HDAC4: variants seen among roughly 807,000 people sequenced by gnomAD.
HDAC4 encodes histone deacetylase A.
HDAC4 carries 16 observed loss-of-function variants against 135.1 expected under a neutral mutation model. The observed-to-expected ratio is 0.12, with a 90% CI of 0.08 to 0.18. HDAC4 has a LOEUF of 0.18. HDAC4 is among the 10% of genes least tolerant of loss of function. The pLI is 1.00. For missense variants in HDAC4, 1,143 were observed against 1,511.8 expected (o/e 0.76, Z 4.05); for synonymous variants, 685 against 653.4 (o/e 1.05, Z -0.74).
chr2:239,070,113 G>A (rs556818998), intron 22 of HDAC4, among the ~76,000 whole-genome samples: 14 of 152,312 alleles, frequency 9.2e-5, no homozygotes, highest in African/African-American at 3.1e-4. Flanking sequence ...TCCCACTGAA[G>A]ACACGTGCAG....
At chr2:239,194,884 T>C (rs1361557416) in intron 3 of HDAC4, among the ~76,000 whole-genome samples, 2 of 152,328 alleles carry the variant, frequency 1.3e-5, no homozygotes, top group South Asian at 2.1e-4. Flanking sequence ...GTGCTGGCGC[T>C]GATCCGCCCC....
chr2:239,098,709 GA>G lies in HDAC4; in HGVS notation c.2234-3654del, dbSNP rs201142934. Among the ~76,000 whole-genome samples the G allele has an allele frequency of 5.8e-3, 881 of 152,162 alleles. 13 individuals are homozygous for G. The highest frequency in any genetic ancestry group is 0.02 in the African/African-American group (840 of 41,550). Reference sequence around the variant, plus strand: ...TTGTGGATTCCATTAAAAGAGGAAAGAAAAAAAATCACACAGTAGTGTTTAA... The same window carrying G: ...TTGTGGATTCCATTAAAAGAGGAAAGAAAAAAATCACACAGTAGTGTTTAA... On this transcript the variant is annotated intron_variant, in intron 16 of 26. Transcript: ENST00000543185.
At chr2:239,367,713 G>A (rs1218605026) in intron 1 of HDAC4, among the ~76,000 whole-genome samples, 1 of 152,168 alleles carries the variant, frequency 6.6e-6, no homozygotes, top group Non-Finnish European at 1.5e-5. Flanking sequence ...TGTTTAGGCT[G>A]GGTGTGGTGG....
In HDAC4 at chr2:239,141,583, G is replaced by A. The variant is rs1279526486; in HGVS notation, c.866-1787C>T. Among the ~76,000 whole-genome samples the A allele has an allele frequency of 1.3e-5, 2 of 152,094 alleles. No individual in the cohort carries two copies. The highest frequency in any genetic ancestry group is 2.4e-5 in the African/African-American group (1 of 41,410). On this transcript the variant is annotated intron_variant, in intron 8 of 26. Transcript: ENST00000543185. This position sits in a 1 kb window ranked among gnomAD's most constrained non-coding sequence, Gnocchi z 4.9. ...CATTTCACTCAAGAAAGCAGGACCCGCCTTCTCCAGGCCCCTCCAACTCTC... is the reference window on the plus strand; with the variant it reads ...CATTTCACTCAAGAAAGCAGGACCCACCTTCTCCAGGCCCCTCCAACTCTC...
chr2:239,119,425 C>T (rs771678890), intron 12 of HDAC4, among the ~76,000 whole-genome samples: 4 of 152,096 alleles, frequency 2.6e-5, no homozygotes, highest in Non-Finnish European at 5.9e-5. Context: ...GATGAGGAGA[C>T]AGGGCTCAGA....
At chr2:239,126,312 G>C in intron 12 of HDAC4, 144 bp downstream of exon 12, 1 of 1,361,832 alleles carries the variant, frequency 7.3e-7, no homozygotes, top group Non-Finnish European at 1.0e-6. Context: ...TGTGCTGTGG[G>C]CCAGAGCATG....
At chr2:239,273,965 T>C (rs562908807) in intron 2 of HDAC4, among the ~76,000 whole-genome samples, 2 of 152,332 alleles carry the variant, frequency 1.3e-5, no homozygotes, top group South Asian at 4.1e-4. Flanking sequence ...GTTGATGTGT[T>C]AAAGCTGTGA....
chr2:239,257,909 T>C (rs1015669009), intron 2 of HDAC4, among the ~76,000 whole-genome samples: 6 of 152,102 alleles, frequency 3.9e-5, no homozygotes, highest in Admixed American at 2.0e-4. Flanking sequence ...GATAATAGAA[T>C]TCTGAGAAAG....
chr2:239,344,815 C>T (rs1227451576), intron 2 of HDAC4, among the ~76,000 whole-genome samples: 2 of 152,284 alleles, frequency 1.3e-5, no homozygotes, highest in East Asian at 1.9e-4. Context: ...CAACATCAGC[C>T]GGAACTATCC....
chr2:239,260,488 A>G (rs1326283515), intron 2 of HDAC4, among the ~76,000 whole-genome samples: 2 of 152,150 alleles, frequency 1.3e-5, no homozygotes, highest in African/African-American at 2.4e-5. Flanking sequence ...AGTTTCTATT[A>G]TCCTTCATCG....
At chr2:239,354,039 G>C (rs1693329035) in intron 1 of HDAC4, among the ~76,000 whole-genome samples, 1 of 152,108 alleles carries the variant, frequency 6.6e-6, no homozygotes, top group Non-Finnish European at 1.5e-5. Context: ...CGCATCACAG[G>C]TTAAGTATTT....
intron 12 of HDAC4, among the ~76,000 whole-genome samples, chr2:239,122,520 TA>T (rs528165334): frequency 1.8e-3 from 277 of 152,284 alleles, no homozygotes; most frequent in Non-Finnish European, 3.5e-3. Context: ...CAAACCCTTA[TA>T]AACACCACTG....
At chr2:239,094,804 CA>C in intron 17 of HDAC4, 1 of 1,439,832 alleles carries the variant, frequency 6.9e-7, no homozygotes, top group Non-Finnish European at 9.2e-7. Context: ...CTGCGCCAGA[CA>C]ACCTTCCCCA....
intron 3 of HDAC4, among the ~76,000 whole-genome samples, chr2:239,206,543 C>T (rs2046061329): frequency 4.6e-5 from 7 of 150,676 alleles, no homozygotes; most frequent in Admixed American, 4.6e-4. Context: ...GAAATCCAGG[C>T]AACAAAGGAA....
intron 2 of HDAC4, among the ~76,000 whole-genome samples, chr2:239,268,795 C>A (rs1476700088): frequency 6.6e-6 from 1 of 152,218 alleles, no homozygotes; most frequent in Non-Finnish European, 1.5e-5. Context: ...CAACCAAGAA[C>A]AGGGTCAGAC....
intron 4 of HDAC4, among the ~76,000 whole-genome samples, chr2:239,185,110 G>A (rs1366960043): frequency 6.6e-6 from 1 of 151,402 alleles, no homozygotes; most frequent in African/African-American, 2.4e-5. Context: ...TGGAGGCTGT[G>A]CCCTATGGGT....
chr2:239,336,444 G>A (rs149126363), intron 2 of HDAC4, among the ~76,000 whole-genome samples: 1 of 152,220 alleles, frequency 6.6e-6, no homozygotes, highest in East Asian at 1.9e-4. Flanking sequence ...CAATGGAAAG[G>A]CTGAAAACAA....
chr2:239,285,340 G>A lies in HDAC4; in HGVS notation c.23-48676C>T, dbSNP rs1369772687. Among the ~76,000 whole-genome samples the A allele has an allele frequency of 6.6e-6, 1 of 152,166 alleles. No individual in the cohort carries two copies. The highest frequency in any genetic ancestry group is 1.5e-5 in the Non-Finnish European group (1 of 68,040). On this transcript the variant is annotated intron_variant, in intron 2 of 26. Transcript: ENST00000543185. This position sits in a 1 kb window ranked among gnomAD's most constrained non-coding sequence, Gnocchi z 4.5. Reference sequence around the variant, plus strand: ...GGGCCCCCAAGTTCGCGGCTGTGCAGCGTGGCCAGAATGCTGAGCCGGTGC... The same window carrying A: ...GGGCCCCCAAGTTCGCGGCTGTGCAACGTGGCCAGAATGCTGAGCCGGTGC...
intron 2 of HDAC4, among the ~76,000 whole-genome samples, chr2:239,252,840 A>C (rs2124984743): frequency 6.6e-6 from 1 of 152,334 alleles, no homozygotes; most frequent in South Asian, 2.1e-4. Context: ...AATTTTGAAG[A>C]AGCAGAAATC....
Sources: gnomAD v4.1 joint callset for allele counts (sites outside exome capture counted in the v4.1 genomes callset) on GRCh38, gnomAD v4.1.1 for gene constraint, Gnocchi (gnomAD v3.1) non-coding constraint, MANE v1.5 for transcripts, NCBI Gene and HGNC (gene_info 2026-07-23, HGNC 2026-07-21) for gene names.